SLC4A9: variants seen among roughly 807,000 people sequenced by gnomAD.
SLC4A9 encodes the protein anion exchange protein 4.
A neutral mutation model predicts 103.2 loss-of-function variants in SLC4A9; 102 were observed. The ratio of observed to expected loss-of-function variants is 0.99; its 90% CI spans 0.84 to 1.17. The LOEUF (loss-of-function observed/expected upper bound fraction) is 1.17. SLC4A9 is among the 50% of genes most tolerant of loss of function. SLC4A9 has a pLI of 0.00. For synonymous variants in SLC4A9, 453 were observed against 483.6 expected, an observed-to-expected ratio of 0.94 and a Z score of 0.83; for missense variants, 1,091 against 1,193.7, an observed-to-expected ratio of 0.91 and a Z score of 1.27.
chr5:140,363,472 C>A lies in SLC4A9; in HGVS notation c.996C>A (p.Pro332=). Residue 332 remains proline (P), a synonymous_variant, in exon 8 of 22, where the codon CCC becomes CCA. Transcript: ENST00000506757. The surrounding 1 kb of genome is among the most constrained non-coding windows in gnomAD (Gnocchi z 4.5). ...CGCAACAGCGGGAGATCAGAGGTCC[C>A]GCCGTCCCGCGCCTGACCTCGGCTG... ...LPSQQREIRG[P]AVPRLTSAED... 1.3e-6 allele frequency: 2 copies of A among 1,551,238 alleles called. No homozygotes were observed. Among genetic ancestry groups the A allele is most frequent in the Non-Finnish European group, 1.7e-6 (2 of 1,147,020 alleles).
intron 11 of SLC4A9, among the ~76,000 whole-genome samples, chr5:140,365,249 G>C (rs1386044793): frequency 6.6e-6 from 1 of 152,182 alleles, no homozygotes; most frequent in African/African-American, 2.4e-5. Flanking sequence ...ACACAGATTT[G>C]TATACTCCTC....
intron 21 of SLC4A9, among the ~76,000 whole-genome samples, chr5:140,373,274 C>T (rs1426251842): frequency 1.3e-5 from 2 of 152,222 alleles, no homozygotes; most frequent in African/African-American, 2.4e-5. Context: ...GTCCTCTCTG[C>T]CATTCCTTCA....
chr5:140,362,292 GGGTCTGGGGAGAGAGTAGT>G, intron 5 of SLC4A9, 118 bp downstream of exon 5: 1 of 1,297,502 alleles, frequency 7.7e-7, no homozygotes, highest in African/African-American at 1.5e-5. Context: ...TGGTGCTCAG[GGGTCTGGGGAGAGAGTAGT>G]GGTCAGGGCT....
At chr5:140,372,217 C>T (rs1236872195) in intron 19 of SLC4A9, 25 bp from the exon 20 acceptor site, 5 of 1,531,140 alleles carry the variant, frequency 3.3e-6, no homozygotes, top group Middle Eastern at 1.7e-4. Context: ...GCTGACAGGC[C>T]TGGGCCATGT....
Position 140,372,168 on chromosome 5 carries a change from T to C in SLC4A9, c.2671-74T>C, listed in dbSNP as rs565395807. The C allele has an allele frequency of 1.9e-4, 248 of 1,331,866 alleles. 1 individual carries two copies. The African/African-American group carries it at 3.4e-3, about 18-fold the overall frequency. The allele number at this position is 1,331,866 out of a possible 1,614,324, so 82.5% of individuals were successfully genotyped here. On this transcript the variant is annotated intron_variant, in intron 19 of 21. Coordinates refer to ENST00000506757, the MANE Select transcript of SLC4A9 (RefSeq NM_031467.3). ...ACAATGCCTAGCACATAGGAAGTGC[T>C]CAATAAGTGTTACTATTGTTAATGT...
In SLC4A9 at chr5:140,363,836, C is replaced by A. The variant is rs941357503; in HGVS notation, c.1188C>A (p.Tyr396Ter). The change falls in exon 9 of 22, where the codon TAC becomes TAA. Residue 396 changes from tyrosine to a stop codon, truncating the protein, a stop_gained. Coordinates refer to ENST00000506757, the MANE Select transcript of SLC4A9 (RefSeq NM_031467.3). LOFTEE classifies it high-confidence loss of function. The surrounding 1 kb of genome is among the most constrained non-coding windows in gnomAD (Gnocchi z 4.5). ...GCTTCTCGGCCGTACTCTACATTTA[C>A]CTGGCCACTGTCACTAATGCCATCA... ...LQCFSAVLYI[Y>*]LATVTNAITF... The A allele has an allele frequency of 1.1e-5, 17 of 1,614,000 alleles. No individual in the cohort carries two copies. The highest frequency in any genetic ancestry group is 1.4e-5 in the Non-Finnish European group (17 of 1,179,880).
At chr5:140,362,241 A>C in intron 5 of SLC4A9, 67 bp downstream of exon 5, 1 of 1,431,986 alleles carries the variant, frequency 7.0e-7, no homozygotes, top group Non-Finnish European at 9.3e-7. Context: ...TGAGGAGGGG[A>C]AGGAGGGTCT....
Position 140,372,741 on chromosome 5 carries a change from AC to A in SLC4A9, c.2827-3del. The A allele has an allele frequency of 6.4e-7, 1 of 1,573,698 alleles. No homozygotes were observed. Among genetic ancestry groups the A allele is most frequent in the Non-Finnish European group, 8.6e-7 (1 of 1,159,374 alleles). ...CAATCCATCTTGGGATCTGTCTTCCACAGTCAGAGCTGATGTATCAGCCAAA... is the reference window on the plus strand; with the variant it reads ...CAATCCATCTTGGGATCTGTCTTCCAAGTCAGAGCTGATGTATCAGCCAAA... On this transcript the variant is annotated splice_region_variant and splice_polypyrimidine_tract_variant and intron_variant, in intron 20 of 21. Coordinates refer to ENST00000506757, the MANE Select transcript of SLC4A9 (RefSeq NM_031467.3).
At position 140,363,276 on chromosome 5, in the gene SLC4A9, G is replaced by T. The variant is rs1767371066; in HGVS notation, c.963-163G>T. On this transcript the variant is annotated intron_variant, in intron 7 of 21. Transcript: ENST00000506757. The surrounding 1 kb of genome is among the most constrained non-coding windows in gnomAD (Gnocchi z 4.5). ...TCCCTGCCCGAGCCTGGCTTTCACA[G>T]GTCGCAATATGACCTGGACCTTCTA... Among the ~76,000 whole-genome samples, 1 of 152,192 alleles carries T rather than the reference G, an allele frequency of 6.6e-6. No individual in the cohort carries two copies. Among genetic ancestry groups the T allele is most frequent in the African/African-American group, 2.4e-5 (1 of 41,444 alleles).
intron 18 of SLC4A9, 120 bp downstream of exon 18, chr5:140,371,283 C>T: frequency 1.4e-6 from 2 of 1,392,438 alleles, no homozygotes; most frequent in East Asian, 2.3e-5. Context: ...CTCCTGCTTA[C>T]ACTTGCCAAT....
rs1285173130 is a variant in SLC4A9, at chr5:140,365,433, C to T, written c.1652-87C>T. 3.4e-6 allele frequency: 4 copies of T among 1,177,300 alleles called. No individual in the cohort carries two copies. The East Asian group carries it at 1.0e-4, about 30-fold the overall frequency. 72.9% of individuals were successfully genotyped at this position (1,177,300 alleles called of 1,614,324 possible). On this transcript the variant is annotated intron_variant, in intron 11 of 21. Transcript: ENST00000506757. Reference sequence around the variant, plus strand: ...AGTCACAATTAAGAACTCTGGTTCACCTGGACCCATCAGATAAGAATTTTA... The same window carrying T: ...AGTCACAATTAAGAACTCTGGTTCATCTGGACCCATCAGATAAGAATTTTA...
chr5:140,362,586 G>C, intron 6 of SLC4A9, 54 bp downstream of exon 6: 1 of 1,511,452 alleles, frequency 6.6e-7, no homozygotes, highest in Non-Finnish European at 9.2e-7. Context: ...GCCTGTGTGT[G>C]TGTGCACACA....
intron 21 of SLC4A9, among the ~76,000 whole-genome samples, chr5:140,374,442 C>T (rs1026334027): frequency 6.7e-6 from 1 of 149,904 alleles, no homozygotes; most frequent in Admixed American, 6.7e-5. Context: ...CACCTGTAAT[C>T]CCAGCTACTG....
In SLC4A9 at chr5:140,372,224, A is replaced by G. The variant is rs1302296753; in HGVS notation, c.2671-18A>G. The G allele has an allele frequency of 1.9e-6, 3 of 1,539,268 alleles. No individual in the cohort carries two copies. Among genetic ancestry groups the G allele is most frequent in the Non-Finnish European group, 1.7e-6 (2 of 1,149,370 alleles). ...CTACTGTTGCTGACAGGCCTGGGCC[A>G]TGTTTCTATTCCTGCAGTTGCTGGG... On this transcript the variant is annotated intron_variant, in intron 19 of 21. Coordinates refer to ENST00000506757, the MANE Select transcript of SLC4A9 (RefSeq NM_031467.3).
At position 140,365,949 on chromosome 5, in the gene SLC4A9, T is replaced by G. The variant is rs1431054058; in HGVS notation, c.1826T>G (p.Leu609Arg). The change falls in exon 13 of 22, where the codon CTC (leucine) becomes CGC (arginine). Residue 609 changes from leucine to arginine, a missense_variant. Leu to Arg is a moderately radical substitution (Grantham distance 102, BLOSUM62 -2). Coordinates refer to ENST00000506757, the MANE Select transcript of SLC4A9 (RefSeq NM_031467.3). Reference sequence around the variant, plus strand: ...CCAGACATTGCCTTCTTCTCCCTTCTCCTCTTCCTTACTTCTTTCTTCTTT... The same window carrying G: ...CCAGACATTGCCTTCTTCTCCCTTCGCCTCTTCCTTACTTCTTTCTTCTTT... ...TVPDIAFFSL[L>R]LFLTSFFFAM... The G allele has an allele frequency of 6.2e-7, 1 of 1,613,914 alleles. No homozygotes were observed. Among genetic ancestry groups the G allele is most frequent in the Non-Finnish European group, 8.5e-7 (1 of 1,179,912 alleles).
intron 11 of SLC4A9, 109 bp from the exon 12 acceptor site, chr5:140,365,411 C>A: frequency 1.1e-6 from 1 of 883,754 alleles, no homozygotes; most frequent in Non-Finnish European, 1.8e-6. Context: ...ACAGATGAGT[C>A]ACAATTAAGA....
Position 140,372,778 on chromosome 5 carries a change from A to G in SLC4A9, c.2860A>G (p.Ile954Val). The change falls in exon 21 of 22, where the codon ATC (isoleucine) becomes GTC (valine). Residue 954 changes from isoleucine (I) to valine (V), a missense_variant. Transcript: ENST00000506757. ...ELMYQPKAPE[I>V]NISVN ...GATGTATCAGCCAAAGGCTCCAGAA[A>G]TCAACATTTCTGTGAATTAGCTGGA... 1 of 1,578,722 alleles carries G rather than the reference A, an allele frequency of 6.3e-7. No individual in the cohort carries two copies. The highest frequency in any genetic ancestry group is 1.3e-5 in the African/African-American group (1 of 74,418).
In SLC4A9 at chr5:140,363,645, G is replaced by T; in HGVS notation, c.1080-83G>T. Reference sequence around the variant, plus strand: ...TGAGGTGTGTGCTCACTGTGGGAGGGGCTCACCCGGTCACAGGGAAAGTAG... The same window carrying T: ...TGAGGTGTGTGCTCACTGTGGGAGGTGCTCACCCGGTCACAGGGAAAGTAG... On this transcript the variant is annotated intron_variant, in intron 8 of 21. Transcript: ENST00000506757. This position sits in a 1 kb window ranked among gnomAD's most constrained non-coding sequence, Gnocchi z 4.5. The T allele has an allele frequency of 1.3e-6, 2 of 1,581,516 alleles. No individual in the cohort carries two copies. The highest frequency in any genetic ancestry group is 1.7e-6 in the Non-Finnish European group (2 of 1,161,784).
At position 140,360,880 on chromosome 5, in the gene SLC4A9, T is replaced by G; in HGVS notation, c.299T>G (p.Leu100Arg). ...TGGAGTGCCCCCCACGTGCCCACCC[T>G]GGCACTGCCCAGCCTCCAGAAGCTC... The part of the protein sequence containing the change: ...GRWSAPHVPT[L>R]ALPSLQKLRS... Residue 100 changes from leucine to arginine, a missense_variant, in exon 2 of 22, where the codon CTG (leucine) becomes CGG (arginine). Leu to Arg is a moderately radical substitution (Grantham distance 102, BLOSUM62 -2). Transcript: ENST00000506757. 6.2e-7 allele frequency: 1 copy of G among 1,611,596 alleles called. No individual in the cohort carries two copies. The highest frequency in any genetic ancestry group is 8.5e-7 in the Non-Finnish European group (1 of 1,179,332).
Sources: gnomAD v4.1 joint callset for allele counts (sites outside exome capture counted in the v4.1 genomes callset) on GRCh38, gnomAD v4.1.1 for gene constraint, Gnocchi (gnomAD v3.1) non-coding constraint, MANE v1.5 for transcripts, NCBI Gene and HGNC (gene_info 2026-07-23, HGNC 2026-07-21) for gene names.